The following FBXL19 variants were observed in gnomAD, a reference collection of about 807,000 sequenced individuals.
FBXL19 encodes F-box and leucine rich repeat protein 19.
Under a neutral mutation model 71.2 loss-of-function variants are expected in FBXL19, and 16 were observed. That is an observed-to-expected ratio of 0.22 (90% CI 0.15 to 0.34). The LOEUF is 0.34. Ranked by LOEUF, FBXL19 falls within the 10% of genes least tolerant of loss-of-function variation. The pLI is 1.00. For missense variants in FBXL19, 658 were observed against 968.2 expected (o/e 0.68, Z 4.25); for synonymous variants, 447 against 409.4 (o/e 1.09, Z -1.11).
intron 7 of FBXL19, among the ~76,000 whole-genome samples, chr16:30,938,290 G>A (rs2055760254): frequency 6.6e-6 from 1 of 152,066 alleles, no homozygotes; most frequent in South Asian, 2.1e-4. Context: ...TGAGGCAGGA[G>A]AATTGCTTGA....
chr16:30,934,252 A>T (rs541375893), intron 7 of FBXL19, among the ~76,000 whole-genome samples: 1 of 151,662 alleles, frequency 6.6e-6, no homozygotes, highest in African/African-American at 2.4e-5. Context: ...TAGTTCAGCT[A>T]CTTGGGAGAC....
At chr16:30,929,163 G>A (rs1394900346) in intron 6 of FBXL19, among the ~76,000 whole-genome samples, 4 of 152,144 alleles carry the variant, frequency 2.6e-5, no homozygotes, top group Admixed American at 6.5e-5. Flanking sequence ...TACTTGGCAC[G>A]GACACTCAAC....
rs1355856296 is a variant in FBXL19, at chr16:30,947,862, C to T, written c.*632C>T. The T allele has an allele frequency of 2.2e-6, 1 of 454,040 alleles. No individual in the cohort carries two copies. The highest frequency in any genetic ancestry group is 4.4e-6 in the Non-Finnish European group (1 of 225,656). The allele number at this position is 454,040 out of a possible 1,614,324, so 28.1% of individuals were successfully genotyped here. A position where few individuals can be genotyped will look rare whatever the true frequency, so the allele number is the denominator to read the frequency against. ...CCCCTCCCCAGGCTTCAGTTCCTTC[C>T]CCCTGACCCTGACTCCTTGAACGTC... On this transcript the variant is annotated 3_prime_UTR_variant, in exon 11 of 11. Transcript: ENST00000338343.
chr16:30,928,061 T>G, intron 5 of FBXL19, 98 bp downstream of exon 5: 1 of 831,870 alleles, frequency 1.2e-6, no homozygotes. Flanking sequence ...GGGAGCGTGC[T>G]CTGTGGGTTC....
intron 5 of FBXL19, 130 bp from the exon 6 acceptor site, chr16:30,928,337 C>T (rs1024054181): frequency 8.8e-6 from 9 of 1,018,156 alleles, no homozygotes; most frequent in Admixed American, 6.7e-5. Flanking sequence ...TGAGCATGCT[C>T]AGAGTTATCC....
rs767551669 is a variant in FBXL19, at chr16:30,942,159, C to T, written c.1345C>T (p.Arg449Trp). 6 of 1,598,708 alleles carry T rather than the reference C, an allele frequency of 3.8e-6. No homozygotes were observed. The highest frequency in any genetic ancestry group is 2.6e-6 in the Non-Finnish European group (3 of 1,172,390). Reference protein sequence around the residue: ...RLWPRMDLSRRKSLTPPMLSG... With the variant: ...RLWPRMDLSRWKSLTPPMLSG... ...GTGGCCTCGAATGGACCTGAGCCGG[C>T]GGAAGTCACTGACCCCGCCCATGCT... The change falls in exon 8 of 11, where the codon CGG (arginine) becomes TGG (tryptophan). Residue 449 changes from arginine (R) to tryptophan (W), a missense_variant. By Grantham distance (101) the Arg-to-Trp change is moderately radical (BLOSUM62 -3). Around this residue, in one of 8 missense-constraint regions of FBXL19, gnomAD observed 38 missense variants for 92.3 expected, o/e 0.41. Transcript: ENST00000338343. This position sits in a 1 kb window ranked among gnomAD's most constrained non-coding sequence, Gnocchi z 5.7.
chr16:30,926,159 T>C (rs1387300624), intron 2 of FBXL19, among the ~76,000 whole-genome samples: 1 of 152,164 alleles, frequency 6.6e-6, no homozygotes, highest in African/African-American at 2.4e-5. Context: ...TTTCAGGCTC[T>C]TCCCAGCTCT....
In FBXL19 at chr16:30,946,745, G is replaced by A. The variant is rs540782150; in HGVS notation, c.1643G>A (p.Arg548His). ...PDTKPGQTES[R>H]GRLQGVAELR... ...GGCTGCCCAGGGCAAACAGAGAGCC[G>A]TGGTCGGCTGCAGGGGGTGGCAGAA... The change falls in exon 10 of 11, where the codon CGT (arginine) becomes CAT (histidine). Residue 548 changes from arginine (R) to histidine (H), a missense_variant. Transcript: ENST00000338343. This position sits in a 1 kb window ranked among gnomAD's most constrained non-coding sequence, Gnocchi z 6.7. 3.7e-6 allele frequency: 6 copies of A among 1,612,988 alleles called. No homozygotes were observed. The highest frequency in any genetic ancestry group is 4.5e-5 in the East Asian group (2 of 44,868).
chr16:30,939,580 A>AT (rs2055779141), intron 7 of FBXL19, among the ~76,000 whole-genome samples: 1 of 148,708 alleles, frequency 6.7e-6, no homozygotes, highest in African/African-American at 2.5e-5. Flanking sequence ...CGCCCAGCTA[A>AT]TTTTTTGTAT....
chr16:30,936,630 T>A (rs2055738386), intron 7 of FBXL19, among the ~76,000 whole-genome samples: 1 of 144,102 alleles, frequency 6.9e-6, no homozygotes, highest in Non-Finnish European at 1.5e-5. Flanking sequence ...TGTTTTTTAG[T>A]AGAGACGGGG....
intron 6 of FBXL19, among the ~76,000 whole-genome samples, chr16:30,929,780 T>C (rs551057789): frequency 3.0e-4 from 45 of 152,314 alleles, no homozygotes; most frequent in Admixed American, 7.2e-4. Flanking sequence ...GGTCTCGATC[T>C]CTTGACCTCG....
At chr16:30,940,987 C>T (rs961600925) in intron 7 of FBXL19, among the ~76,000 whole-genome samples, 3 of 152,026 alleles carry the variant, frequency 2.0e-5, no homozygotes, top group African/African-American at 7.2e-5. Context: ...GTTAGATAGT[C>T]TGTTGAGGCC....
intron 7 of FBXL19, among the ~76,000 whole-genome samples, chr16:30,933,110 C>G (rs1322987500): frequency 5.3e-5 from 8 of 152,062 alleles, no homozygotes; most frequent in Admixed American, 2.6e-4. Flanking sequence ...AAGCGATTCT[C>G]CTGCCTCAGC....
Position 30,925,887 on chromosome 16 carries a change from C to T in FBXL19, c.133C>T (p.Pro45Ser). Residue 45 changes from proline to serine, a missense_variant, in exon 2 of 11, where the codon CCC becomes TCC. Pro to Ser is a moderately conservative substitution (Grantham distance 74). Around this residue, in one of 8 missense-constraint regions of FBXL19, gnomAD observed 33 missense variants for 75.4 expected, o/e 0.44. Transcript: ENST00000338343. The surrounding 1 kb of genome is among the most constrained non-coding windows in gnomAD (Gnocchi z 5.0). Reference sequence around the variant, plus strand: ...CCGAGACATGAAGAAGTTCGGGGGGCCCGGGCGCATGAAGCAGTCGTGCCT... The same window carrying T: ...CCGAGACATGAAGAAGTTCGGGGGGTCCGGGCGCATGAAGCAGTCGTGCCT... ...FCRDMKKFGG[P>S]GRMKQSCLLR... 6.7e-7 allele frequency: 1 copy of T among 1,502,824 alleles called. No homozygotes were observed. 93.1% of individuals were successfully genotyped at this position (1,502,824 alleles called of 1,614,324 possible).
intron 7 of FBXL19, among the ~76,000 whole-genome samples, chr16:30,934,503 C>T (rs1331315300): frequency 1.3e-5 from 2 of 151,970 alleles, no homozygotes; most frequent in East Asian, 3.9e-4. Context: ...GCTAAAAATA[C>T]AAAAATTAGC....
chr16:30,929,775 C>T (rs1240477977), intron 6 of FBXL19, among the ~76,000 whole-genome samples: 3 of 152,136 alleles, frequency 2.0e-5, no homozygotes, highest in East Asian at 3.9e-4. Context: ...AGGATGGTCT[C>T]GATCTCTTGA....
At chr16:30,937,706 AT>A (rs1453333389) in intron 7 of FBXL19, among the ~76,000 whole-genome samples, 3 of 152,148 alleles carry the variant, frequency 2.0e-5, no homozygotes, top group Non-Finnish European at 2.9e-5. Flanking sequence ...GAGGCACAGC[AT>A]GTGCCACAAC....
rs1457735826 is a variant in FBXL19 at position 30,927,374 on chromosome 16, G to A, written c.244G>A (p.Gly82Arg). Residue 82 changes from glycine to arginine, a missense_variant, in exon 3 of 11, where the codon GGA (glycine) becomes AGA (arginine). Physicochemically the swap from Gly to Arg is moderately radical, Grantham distance 125 (BLOSUM62 -2). This residue lies in a region of FBXL19 where 447 missense variants were observed against 515.4 expected (regional missense o/e 0.87). Coordinates refer to ENST00000338343, the MANE Select transcript of FBXL19 (RefSeq NM_001382779.1). ...GGCTGGGAAGGAGGACACGGTGGAG[G>A]GAGAGGAAGAGAAATTTGGTTTGAG... ...GEAGKEDTVE[G>R]EEEKFGLSLM... The A allele has an allele frequency of 6.3e-7, 1 of 1,593,252 alleles. No individual in the cohort carries two copies. The highest frequency in any genetic ancestry group is 1.1e-5 in the South Asian group (1 of 87,636).
chr16:30,945,163 C>T (rs1246671209), intron 9 of FBXL19, among the ~76,000 whole-genome samples: 2 of 152,186 alleles, frequency 1.3e-5, no homozygotes, highest in Non-Finnish European at 2.9e-5. Context: ...GCCATCTGAT[C>T]TATTAATAGT....
Sources: allele counts gnomAD v4.1 joint callset (sites outside exome capture counted in the v4.1 genomes callset), GRCh38; gene constraint gnomAD v4.1.1; regional missense constraint gnomAD v4.1.1; non-coding constraint Gnocchi (gnomAD v3.1); transcripts MANE v1.5; gene names NCBI Gene and HGNC (gene_info 2026-07-23, HGNC 2026-07-21).